The following STAT1 variants were observed in gnomAD, a reference collection of about 807,000 sequenced individuals.
The protein encoded by STAT1 is signal transducer and activator of transcription 1, also known as signal transducer and activator of transcription 1-alpha/beta.
A neutral mutation model predicts 111.7 loss-of-function variants in STAT1; 24 were observed. That is an observed-to-expected ratio of 0.21 (90% CI 0.16 to 0.30). The LOEUF (loss-of-function observed/expected upper bound fraction) is 0.30, where lower values mean the gene tolerates loss of function less well. Ranked by LOEUF, STAT1 falls within the 10% of genes least tolerant of loss-of-function variation. The pLI, the probability that STAT1 is intolerant of heterozygous loss-of-function variation, is 1.00. For synonymous variants in STAT1, 332 were observed against 326.5 expected (o/e 1.02, Z -0.18); for missense variants, 351 against 911.9 (o/e 0.38, Z 7.92).
At chr2:190,972,055 G>A (rs914994920) in intron 24 of STAT1, among the ~76,000 whole-genome samples, 3 of 152,124 alleles carry the variant, frequency 2.0e-5, no homozygotes, top group East Asian at 1.9e-4. Flanking sequence ...TGGACCGTGG[G>A]GGTAAAGAGA....
chr2:190,979,107 C>T lies in STAT1; in HGVS notation c.1728-106G>A. The T allele has an allele frequency of 2.1e-6, 3 of 1,441,946 alleles. No homozygotes were observed. Among genetic ancestry groups the T allele is most frequent in the South Asian group, 1.2e-5 (1 of 82,844 alleles). The allele number at this position is 1,441,946 out of a possible 1,614,324, so 89.3% of individuals were successfully genotyped here. On this transcript the variant is annotated intron_variant, in intron 20 of 24. Transcript: ENST00000361099. The surrounding 1 kb of genome is among the most constrained non-coding windows in gnomAD (Gnocchi z 5.8). ...ATGGCTGGAATGTGAGAAAAAAAAC[C>T]TACGGTAAAAAACGTAGACTATTTT...
rs900256175 is a variant in STAT1, at chr2:190,974,319, C to T, written c.2238+511G>A. On this transcript the variant is annotated intron_variant, in intron 24 of 24. Coordinates refer to ENST00000361099, the MANE Select transcript of STAT1 (RefSeq NM_007315.4). This position sits in a 1 kb window ranked among gnomAD's most constrained non-coding sequence, Gnocchi z 4.8. ...TTGAACCTTTTACTCTTGGCAAGCC[C>T]TTCACAGCCCCAGGAGCTACTTGTA... is the stretch of plus-strand genomic sequence containing the variant. Among the ~76,000 whole-genome samples, 1 of 152,156 alleles carries T rather than the reference C, an allele frequency of 6.6e-6. No homozygotes were observed. The highest frequency in any genetic ancestry group is 2.4e-5 in the African/African-American group (1 of 41,432).
At position 190,971,440 on chromosome 2, in the gene STAT1, G is replaced by C. The variant is rs116791105; in HGVS notation, c.2239-723C>G. On this transcript the variant is annotated intron_variant, in intron 24 of 24. Transcript: ENST00000361099. The surrounding 1 kb of genome is among the most constrained non-coding windows in gnomAD (Gnocchi z 4.1). Reference sequence around the variant, plus strand: ...TGGTATCTATTTGGTAGAAGCCAGAGGTGTTGCTGAACCTCCTACGAAGCA... The same window carrying C: ...TGGTATCTATTTGGTAGAAGCCAGACGTGTTGCTGAACCTCCTACGAAGCA... 8.4e-3 allele frequency among the ~76,000 whole-genome samples: 1,276 copies of C among 152,194 alleles called. 19 individuals are homozygous for C. Among genetic ancestry groups the C allele is most frequent in the African/African-American group, 0.029 (1,196 of 41,508 alleles).
rs988432501 is a variant in STAT1 at position 191,003,371 on chromosome 2, C to T, written c.373-2208G>A. On this transcript the variant is annotated intron_variant, in intron 5 of 24. Coordinates refer to ENST00000361099, the MANE Select transcript of STAT1 (RefSeq NM_007315.4). The surrounding 1 kb of genome is among the most constrained non-coding windows in gnomAD (Gnocchi z 4.0). The stretch of plus-strand genomic sequence containing the variant: ...TTCTGCCTGTGCAGGGAAATCTTTG[C>T]TGTTGTCTAATTCTGACATGGTTTG... 6.6e-6 allele frequency among the ~76,000 whole-genome samples: 1 copy of T among 152,196 alleles called. No homozygotes were observed. The highest frequency in any genetic ancestry group is 1.5e-5 in the Non-Finnish European group (1 of 68,028).
In STAT1 at chr2:190,970,610, T is replaced by C. The variant is rs1313664856; in HGVS notation, c.*93A>G. ...TTTGCTGGCCTTTCTTTCATTTCCCTAGAAACACAGGATGTGAAGGAACAG... is the reference window on the plus strand; with the variant it reads ...TTTGCTGGCCTTTCTTTCATTTCCCCAGAAACACAGGATGTGAAGGAACAG... On this transcript the variant is annotated 3_prime_UTR_variant, in exon 25 of 25. Coordinates refer to ENST00000361099, the MANE Select transcript of STAT1 (RefSeq NM_007315.4). This position sits in a 1 kb window ranked among gnomAD's most constrained non-coding sequence, Gnocchi z 5.4. 1 of 1,441,394 alleles carries C rather than the reference T, an allele frequency of 6.9e-7. No homozygotes were observed. Among genetic ancestry groups the C allele is most frequent in the East Asian group, 2.3e-5 (1 of 43,868 alleles). The allele number at this position is 1,441,394 out of a possible 1,614,324, so 89.3% of individuals were successfully genotyped here.
rs749737547 is a variant in STAT1 at position 190,977,036 on chromosome 2, G to T, written c.1874-11C>A. ...CATGGAAGTCAGGTTCTAAAAAGGAGAAAAGCTAAGTAAATCCCATAGAAC... is the reference window on the plus strand; with the variant it reads ...CATGGAAGTCAGGTTCTAAAAAGGATAAAAGCTAAGTAAATCCCATAGAAC... On this transcript the variant is annotated splice_polypyrimidine_tract_variant and intron_variant, in intron 21 of 24. Coordinates refer to ENST00000361099, the MANE Select transcript of STAT1 (RefSeq NM_007315.4). This position sits in a 1 kb window ranked among gnomAD's most constrained non-coding sequence, Gnocchi z 4.7. 2 of 1,613,768 alleles carry T rather than the reference G, an allele frequency of 1.2e-6. No individual in the cohort carries two copies. The highest frequency in any genetic ancestry group is 3.3e-5 in the Admixed American group (2 of 59,994).
rs41379347 is a variant in STAT1 at position 191,004,216 on chromosome 2, T to G, written c.373-3053A>C. On this transcript the variant is annotated intron_variant, in intron 5 of 24. Coordinates refer to ENST00000361099, the MANE Select transcript of STAT1 (RefSeq NM_007315.4). The surrounding 1 kb of genome is among the most constrained non-coding windows in gnomAD (Gnocchi z 5.0). ...TGTACACTTTAGTACTGATACCACT[T>G]TCACAGTGAGTCCTTAACTTTTTAA... is the stretch of plus-strand genomic sequence containing the variant. 0.023 allele frequency among the ~76,000 whole-genome samples: 3,539 copies of G among 152,264 alleles called. 82 individuals are homozygous for G. The highest frequency in any genetic ancestry group is 0.03 in the Non-Finnish European group (2,036 of 68,016).
rs1403195149 is a variant in STAT1, at chr2:191,005,499, T to C, written c.372+2064A>G. Among the ~76,000 whole-genome samples, 4 of 152,216 alleles carry C rather than the reference T, an allele frequency of 2.6e-5. 1 individual carries two copies. Among genetic ancestry groups the C allele is most frequent in the East Asian group, 1.9e-4 (1 of 5,204 alleles). On this transcript the variant is annotated intron_variant, in intron 5 of 24. Coordinates refer to ENST00000361099, the MANE Select transcript of STAT1 (RefSeq NM_007315.4). Reference sequence around the variant, plus strand: ...TCTATGTTTAGATACACAAATAACATTGTGTTACAATTGCCCATAGCGTTC... The same window carrying C: ...TCTATGTTTAGATACACAAATAACACTGTGTTACAATTGCCCATAGCGTTC...
rs181858997 is a variant in STAT1 at position 190,997,258 on chromosome 2, C to A, written c.785+598G>T. Among the ~76,000 whole-genome samples the A allele has an allele frequency of 1.8e-3, 272 of 152,350 alleles. No individual in the cohort carries two copies. The highest frequency in any genetic ancestry group is 0.012 in the South Asian group (59 of 4,824). ...GCACAAGGCCACTTCCTCTATGAAACCTTCCCTGGAGATGCTTTCCTTTGT... is the reference window on the plus strand; with the variant it reads ...GCACAAGGCCACTTCCTCTATGAAAACTTCCCTGGAGATGCTTTCCTTTGT... On this transcript the variant is annotated intron_variant, in intron 9 of 24. Transcript: ENST00000361099. This position sits in a 1 kb window ranked among gnomAD's most constrained non-coding sequence, Gnocchi z 7.3.
chr2:191,013,694 A>C lies in STAT1; in HGVS notation c.-155-16T>G. 2.5e-6 allele frequency: 1 copy of C among 398,814 alleles called. No individual in the cohort carries two copies. Among genetic ancestry groups the C allele is most frequent in the Non-Finnish European group, 4.4e-6 (1 of 226,150 alleles). The allele number at this position is 398,814 out of a possible 1,614,324, so 24.7% of individuals were successfully genotyped here. A position where few individuals can be genotyped will look rare whatever the true frequency, so the allele number is the denominator to read the frequency against. On this transcript the variant is annotated splice_polypyrimidine_tract_variant and intron_variant, in intron 1 of 24. Transcript: ENST00000361099. ...ATGAAACTTTCTGCGAAAAGAAGAA[A>C]ACGTGACTGATGGAAAGGGGTGGAA...
chr2:190,984,573 G>T lies in STAT1; in HGVS notation c.1264-180C>A, dbSNP rs1302360227. 6.6e-6 allele frequency among the ~76,000 whole-genome samples: 1 copy of T among 152,218 alleles called. No homozygotes were observed. The highest frequency in any genetic ancestry group is 1.9e-4 in the East Asian group (1 of 5,202). ...GATTCTTAGTATCTCAGTGTGCTCT[G>T]AAAGATAAGTGTCTGAAGTTACGGC... On this transcript the variant is annotated intron_variant, in intron 15 of 24. Coordinates refer to ENST00000361099, the MANE Select transcript of STAT1 (RefSeq NM_007315.4). The surrounding 1 kb of genome is among the most constrained non-coding windows in gnomAD (Gnocchi z 5.2).
intron 2 of STAT1, among the ~76,000 whole-genome samples, chr2:191,013,182 T>G (rs1012235844): frequency 1.3e-5 from 2 of 152,220 alleles, no homozygotes; most frequent in Non-Finnish European, 2.9e-5. Flanking sequence ...CATATTATGA[T>G]CTCACAAGTG....
rs1014537073 is a variant in STAT1 at position 190,998,677 on chromosome 2, A to G, written c.542-369T>C. Reference sequence around the variant, plus strand: ...ACTCCGTCTCCAAAAAAAAACAAAAAAAACAAAAAAAAAACAAAAAAAACT... The same window carrying G: ...ACTCCGTCTCCAAAAAAAAACAAAAGAAACAAAAAAAAAACAAAAAAAACT... On this transcript the variant is annotated intron_variant, in intron 7 of 24. Transcript: ENST00000361099. This position sits in a 1 kb window ranked among gnomAD's most constrained non-coding sequence, Gnocchi z 4.1. Among the ~76,000 whole-genome samples the G allele has an allele frequency of 6.7e-6, 1 of 148,532 alleles. No homozygotes were observed. The highest frequency in any genetic ancestry group is 2.4e-5 in the African/African-American group (1 of 41,028).
rs928237107 is a variant in STAT1, at chr2:191,008,303, ATG to A, written c.274-644_274-643del. The stretch of plus-strand genomic sequence containing the variant: ...CAGTTGTATTGTATGAAAGAAGAAA[ATG>A]ATAGCTTTCACCTCCATTAAAACAG... On this transcript the variant is annotated intron_variant, in intron 4 of 24. Coordinates refer to ENST00000361099, the MANE Select transcript of STAT1 (RefSeq NM_007315.4). Among the ~76,000 whole-genome samples the A allele has an allele frequency of 1.7e-4, 26 of 152,370 alleles. 1 individual carries two copies. The highest frequency in any genetic ancestry group is 6.0e-4 in the African/African-American group (25 of 41,592).
chr2:190,975,866 T>C lies in STAT1; in HGVS notation c.2081A>G (p.Asp694Gly). The change falls in exon 23 of 25, where the codon GAT becomes GGT. Residue 694 changes from aspartate to glycine, a missense_variant. By Grantham distance (94) the Asp-to-Gly change is moderately conservative. Transcript: ENST00000361099. The surrounding 1 kb of genome is among the most constrained non-coding windows in gnomAD (Gnocchi z 5.9). ...PKEAPEPMELDGPKGTGYIKT... is the reference protein window; with the variant it reads ...PKEAPEPMELGGPKGTGYIKT... The stretch of plus-strand genomic sequence containing the variant: ...GATATATCCAGTTCCTTTAGGGCCA[T>C]CAAGTTCCATTGGCTCTGGTGCTAG... 1 of 1,614,114 alleles carries C rather than the reference T, an allele frequency of 6.2e-7. No individual in the cohort carries two copies.
Position 190,975,807 on chromosome 2 carries a change from C to T in STAT1, c.2135+5G>A, listed in dbSNP as rs1691866152. The T allele has an allele frequency of 6.2e-7, 1 of 1,614,040 alleles. No individual in the cohort carries two copies. The highest frequency in any genetic ancestry group is 8.5e-7 in the Non-Finnish European group (1 of 1,180,036). On this transcript the variant is annotated splice_donor_5th_base_variant and intron_variant, in intron 23 of 24. Transcript: ENST00000361099. The surrounding 1 kb of genome is among the most constrained non-coding windows in gnomAD (Gnocchi z 5.9). The stretch of plus-strand genomic sequence containing the variant: ...TAAACATGTCACTCTTCTGTGTTCA[C>T]TTACACTTCAGACACAGAAATCAAC...
chr2:190,998,402 G>A lies in STAT1; in HGVS notation c.542-94C>T. 1 of 1,030,932 alleles carries A rather than the reference G, an allele frequency of 9.7e-7. No homozygotes were observed. The highest frequency in any genetic ancestry group is 1.5e-6 in the Non-Finnish European group (1 of 661,812). The allele number at this position is 1,030,932 out of a possible 1,614,324, so 63.9% of individuals were successfully genotyped here. A position where few individuals can be genotyped will look rare whatever the true frequency, so the allele number is the denominator to read the frequency against. ...AATTTAGGATAAATATGACACAAATGCTGCCTAGTGACAGGTCAAAGTTTG... is the reference window on the plus strand; with the variant it reads ...AATTTAGGATAAATATGACACAAATACTGCCTAGTGACAGGTCAAAGTTTG... On this transcript the variant is annotated intron_variant, in intron 7 of 24. Coordinates refer to ENST00000361099, the MANE Select transcript of STAT1 (RefSeq NM_007315.4). The surrounding 1 kb of genome is among the most constrained non-coding windows in gnomAD (Gnocchi z 4.1).
In STAT1 at chr2:190,976,148, A is replaced by G. The variant is rs1691890985; in HGVS notation, c.2060-261T>C. Reference sequence around the variant, plus strand: ...TAGCTAGGAGCTTTCTCTTTACACAACTTGAAATCTTACAAGAAGTCTGAG... The same window carrying G: ...TAGCTAGGAGCTTTCTCTTTACACAGCTTGAAATCTTACAAGAAGTCTGAG... On this transcript the variant is annotated intron_variant, in intron 22 of 24. Coordinates refer to ENST00000361099, the MANE Select transcript of STAT1 (RefSeq NM_007315.4). The surrounding 1 kb of genome is among the most constrained non-coding windows in gnomAD (Gnocchi z 6.0). 6.6e-6 allele frequency among the ~76,000 whole-genome samples: 1 copy of G among 152,202 alleles called. No homozygotes were observed. Among genetic ancestry groups the G allele is most frequent in the Non-Finnish European group, 1.5e-5 (1 of 68,028 alleles).
rs1692466112 is a variant in STAT1 at position 190,982,532 on chromosome 2, A to C, written c.1447-14T>G. On this transcript the variant is annotated splice_polypyrimidine_tract_variant and intron_variant, in intron 17 of 24. Coordinates refer to ENST00000361099, the MANE Select transcript of STAT1 (RefSeq NM_007315.4). This position sits in a 1 kb window ranked among gnomAD's most constrained non-coding sequence, Gnocchi z 7.3. ...GAAGGACAGATTCTAGAGAGAAAACACCCAAAATCTAAGGGTTACTACAGA... is the reference window on the plus strand; with the variant it reads ...GAAGGACAGATTCTAGAGAGAAAACCCCCAAAATCTAAGGGTTACTACAGA... 6.2e-7 allele frequency: 1 copy of C among 1,614,092 alleles called. No individual in the cohort carries two copies. Among genetic ancestry groups the C allele is most frequent in the African/African-American group, 1.3e-5 (1 of 75,022 alleles).
Sources: allele counts gnomAD v4.1 joint callset (sites outside exome capture counted in the v4.1 genomes callset), GRCh38; gene constraint gnomAD v4.1.1; non-coding constraint Gnocchi (gnomAD v3.1); transcripts MANE v1.5; gene names NCBI Gene and HGNC (gene_info 2026-07-23, HGNC 2026-07-21).